The following KLF12 variants were observed in gnomAD, a reference collection of about 807,000 sequenced individuals.
The protein encoded by KLF12 is Krueppel-like factor 12.
Under a neutral mutation model 37.8 loss-of-function variants are expected in KLF12, and 9 were observed. That is an observed-to-expected ratio of 0.24 (90% CI 0.14 to 0.42). The LOEUF is 0.42. Ranked by LOEUF, KLF12 falls within the 10% of genes least tolerant of loss-of-function variation. The pLI is 1.00. For synonymous variants in KLF12, 208 were observed against 202.1 expected, an observed-to-expected ratio of 1.03 and a Z score of -0.25; for missense variants, 411 against 516.0, an observed-to-expected ratio of 0.80 and a Z score of 1.97.
chr13:73,850,048 A>T (rs923279001), intron 3 of KLF12, among the ~76,000 whole-genome samples: 4 of 152,234 alleles, frequency 2.6e-5, no homozygotes, highest in African/African-American at 7.2e-5. Flanking sequence ...TGTAAAACTT[A>T]AATTTTTATA....
chr13:73,963,421 G>T (rs1374556933), intron 2 of KLF12, among the ~76,000 whole-genome samples: 1 of 151,520 alleles, frequency 6.6e-6, no homozygotes, highest in East Asian at 1.9e-4. Flanking sequence ...AAAAACCATC[G>T]CAGGCATTGA....
the KLF12 span, among the ~76,000 whole-genome samples, chr13:74,229,873 A>G: frequency 1.3e-5 from 2 of 152,130 alleles, no homozygotes; most frequent in African/African-American, 2.4e-5. Context: ...ACCTAATCCT[A>G]ACTCCTTATC....
At chr13:74,152,898 A>G in the KLF12 span, among the ~76,000 whole-genome samples, 5 of 60,516 alleles carry the variant, frequency 8.3e-5, no homozygotes, top group African/African-American at 1.2e-4. Context: ...AATAATAATA[A>G]TAATAATAAT....
the KLF12 span, among the ~76,000 whole-genome samples, chr13:74,276,089 G>A: frequency 5.9e-5 from 9 of 151,354 alleles, no homozygotes; most frequent in African/African-American, 1.2e-4. Context: ...TTTAAGCCCC[G>A]CATGGATTAA....
At chr13:74,286,050 C>A in the KLF12 span, among the ~76,000 whole-genome samples, 1 of 152,196 alleles carries the variant, frequency 6.6e-6, no homozygotes, top group Non-Finnish European at 1.5e-5. Flanking sequence ...CCAACCACTA[C>A]TCTTAGCTCA....
intron 3 of KLF12, among the ~76,000 whole-genome samples, chr13:73,862,860 A>G (rs1282022892): frequency 1.3e-5 from 2 of 152,202 alleles, no homozygotes; most frequent in Non-Finnish European, 2.9e-5. Flanking sequence ...TTGGTTTTAA[A>G]TAATTCCTGT....
chr13:73,995,572 A>G (rs1030306042), intron 1 of KLF12, among the ~76,000 whole-genome samples: 1 of 152,190 alleles, frequency 6.6e-6, no homozygotes, highest in Non-Finnish European at 1.5e-5. Context: ...ATACAAATAA[A>G]TTCGGTGGTT....
chr13:73,959,124 C>CAAAAAAAAAAA (rs66521656), intron 2 of KLF12, among the ~76,000 whole-genome samples: 1 of 86,836 alleles, frequency 1.2e-5, no homozygotes, highest in Non-Finnish European at 2.4e-5. Context: ...ACCCCCCTTC[C>CAAAAAAAAAAA]AAAAAAAAAC....
At chr13:73,774,916 C>CTTT (rs59877053) in intron 5 of KLF12, among the ~76,000 whole-genome samples, 3 of 130,378 alleles carry the variant, frequency 2.3e-5, no homozygotes, top group Admixed American at 7.9e-5. Context: ...CTCTCGCATT[C>CTTT]TTTTTTTTTT....
At position 73,846,080 on chromosome 13, in the gene KLF12, C is replaced by T. The variant is rs748128269; in HGVS notation, c.417G>A (p.Ser139=). Residue 139 remains serine (S), a synonymous_variant, in exon 4 of 8, where the codon TCG becomes TCA. Coordinates refer to ENST00000377669, the MANE Select transcript of KLF12 (RefSeq NM_007249.5). The stretch of plus-strand genomic sequence containing the variant: ...GGGGCCCTGGAGTTAATACTGTTGA[C>T]GAAGATGACGCTGAAGATACTGATG... 1.4e-5 allele frequency: 23 copies of T among 1,613,868 alleles called. No individual in the cohort carries two copies. The highest frequency in any genetic ancestry group is 8.9e-5 in the East Asian group (4 of 44,876).
intron 7 of KLF12, among the ~76,000 whole-genome samples, chr13:73,705,509 A>C (rs956885302): frequency 6.6e-6 from 1 of 152,154 alleles, no homozygotes; most frequent in Non-Finnish European, 1.5e-5. Flanking sequence ...CTGACCTCAG[A>C]TGATCCTCCC....
chr13:74,124,662 T>C (rs752022700), intron 1 of KLF12, among the ~76,000 whole-genome samples: 6 of 152,228 alleles, frequency 3.9e-5, no homozygotes, highest in South Asian at 2.1e-4. Context: ...ATATACCCTA[T>C]TGGCCAAGCA....
chr13:73,863,307 T>C (rs980713776), intron 3 of KLF12, among the ~76,000 whole-genome samples: 1 of 152,158 alleles, frequency 6.6e-6, no homozygotes, highest in Non-Finnish European at 1.5e-5. Flanking sequence ...GATTATATTA[T>C]AGCAGTATTG....
chr13:74,180,500 GA>G, the KLF12 span, among the ~76,000 whole-genome samples: 1 of 152,208 alleles, frequency 6.6e-6, no homozygotes, highest in African/African-American at 2.4e-5. Flanking sequence ...TTCTGCTTCT[GA>G]AAACCATCAG....
chr13:74,023,833 G>C (rs1324524922), intron 1 of KLF12, among the ~76,000 whole-genome samples: 1 of 152,216 alleles, frequency 6.6e-6, no homozygotes, highest in Admixed American at 6.5e-5. Context: ...ACTATGGCCA[G>C]AGCATCAGCT....
At chr13:74,269,134 G>T in the KLF12 span, among the ~76,000 whole-genome samples, 5 of 152,256 alleles carry the variant, frequency 3.3e-5, no homozygotes, top group African/African-American at 9.6e-5. Context: ...TAAAGGTTTG[G>T]ATTACCCCAG....
chr13:73,818,365 T>A (rs1010717192), intron 4 of KLF12, among the ~76,000 whole-genome samples: 4 of 152,222 alleles, frequency 2.6e-5, no homozygotes, highest in African/African-American at 4.8e-5. Context: ...CTCATATGGG[T>A]GGGTTCTCAC....
chr13:74,209,553 CACACAG>C, the KLF12 span, among the ~76,000 whole-genome samples: 2 of 151,452 alleles, frequency 1.3e-5, no homozygotes, highest in African/African-American at 4.9e-5. Flanking sequence ...CACACACACA[CACACAG>C]ACAATTAAAT....
chr13:74,089,125 T>C (rs1875495438), intron 1 of KLF12, among the ~76,000 whole-genome samples: 2 of 152,184 alleles, frequency 1.3e-5, no homozygotes, highest in Admixed American at 1.3e-4. Flanking sequence ...TATTTTACTT[T>C]ATTAACACTA....
Sources: gnomAD v4.1 joint callset for allele counts (sites outside exome capture counted in the v4.1 genomes callset) on GRCh38, gnomAD v4.1.1 for gene constraint, MANE v1.5 for transcripts, NCBI Gene and HGNC (gene_info 2026-07-23, HGNC 2026-07-21) for gene names.